Variants in PLGRKT observed in about 807,000 individuals in gnomAD.
PLGRKT encodes plasminogen receptor (KT).
A neutral mutation model predicts 18.5 loss-of-function variants in PLGRKT; 22 were observed. The ratio of observed to expected loss-of-function variants is 1.19; its 90% CI spans 0.85 to 1.70. The LOEUF is 1.70. Ranked by LOEUF, PLGRKT falls within the 40% of genes most tolerant of loss-of-function variation. The pLI is 0.00. For missense variants in PLGRKT, 235 were observed against 174.4 expected, an observed-to-expected ratio of 1.35 and a Z score of -1.96; for synonymous variants, 72 against 52.8, an observed-to-expected ratio of 1.36 and a Z score of -1.58.
chr9:5,421,117 T>A (rs902018468), intron 3 of PLGRKT, among the ~76,000 whole-genome samples: 3 of 152,204 alleles, frequency 2.0e-5, no homozygotes, highest in Non-Finnish European at 4.4e-5. Context: ...GTACAAGGCT[T>A]GAGCGACCTC....
intron 3 of PLGRKT, among the ~76,000 whole-genome samples, chr9:5,413,958 T>A (rs909490545): frequency 9.8e-5 from 15 of 152,338 alleles, no homozygotes; most frequent in Non-Finnish European, 1.5e-4. Context: ...AATGATATGC[T>A]ACCCTTCACA....
intron 3 of PLGRKT, among the ~76,000 whole-genome samples, chr9:5,410,778 C>T (rs1003819155): frequency 2.6e-5 from 4 of 152,032 alleles, no homozygotes; most frequent in Non-Finnish European, 5.9e-5. Context: ...GCCTGTACCA[C>T]AGAGAAAGAT....
intron 5 of PLGRKT, among the ~76,000 whole-genome samples, chr9:5,359,448 T>G (rs1213220352): frequency 6.6e-6 from 1 of 152,202 alleles, no homozygotes; most frequent in Non-Finnish European, 1.5e-5. Flanking sequence ...TGTCTTATTT[T>G]TTTTACCTCT....
chr9:5,433,480 G>C (rs1818879593), intron 2 of PLGRKT, among the ~76,000 whole-genome samples: 1 of 147,650 alleles, frequency 6.8e-6, no homozygotes, highest in South Asian at 2.2e-4. Context: ...GAAGCAAGGA[G>C]CGACTCTGCC....
intron 2 of PLGRKT, among the ~76,000 whole-genome samples, chr9:5,433,347 C>G (rs1328662980): frequency 6.7e-6 from 1 of 148,338 alleles, no homozygotes; most frequent in Non-Finnish European, 1.5e-5. Context: ...GACCGCCCAT[C>G]GTCTGGGGTG....
At chr9:5,422,023 C>A (rs545272340) in intron 3 of PLGRKT, among the ~76,000 whole-genome samples, 1 of 151,988 alleles carries the variant, frequency 6.6e-6, no homozygotes, top group Non-Finnish European at 1.5e-5. Context: ...CAGAATCAAG[C>A]ATTTATTTTG....
chr9:5,391,547 T>C (rs1012860693), intron 3 of PLGRKT, among the ~76,000 whole-genome samples: 1 of 151,956 alleles, frequency 6.6e-6, no homozygotes, highest in African/African-American at 2.4e-5. Flanking sequence ...GAAGCAGTGA[T>C]AAACTGGTGT....
At chr9:5,416,767 T>A (rs1234370618) in intron 3 of PLGRKT, among the ~76,000 whole-genome samples, 2 of 152,244 alleles carry the variant, frequency 1.3e-5, no homozygotes, top group Non-Finnish European at 2.9e-5. Context: ...ATTGTTTGCA[T>A]GGAAGGGCTA....
chr9:5,373,245 C>G (rs1316540393), intron 3 of PLGRKT, among the ~76,000 whole-genome samples: 1 of 152,158 alleles, frequency 6.6e-6, no homozygotes, highest in African/African-American at 2.4e-5. Context: ...ATGCCCCTAT[C>G]CACTGTAGTG....
rs147162442 is a variant in PLGRKT at position 5,361,758 on chromosome 9, C to G, written c.212G>C (p.Gly71Ala). 1,362 of 1,601,952 alleles carry G rather than the reference C, an allele frequency of 8.5e-4. 19 individuals carry two copies. In the East Asian group the frequency reaches 0.024, roughly 28 times the overall value. ...AGAAAATGTTAAATAGCAAACATAC[C>G]CAGCTGTTAAAGAGATGGCTGCAAG... ...FGLAAISLTAGAIKKKKPAFL... is the reference protein window; with the variant it reads ...FGLAAISLTAAAIKKKKPAFL... Residue 71 changes from glycine to alanine, a missense_variant and splice_region_variant, in exon 4 of 6, where the codon GGA (glycine) becomes GCA (alanine). Transcript: ENST00000223864.
intron 3 of PLGRKT, among the ~76,000 whole-genome samples, chr9:5,370,954 C>T (rs2131075012): frequency 6.6e-6 from 1 of 152,202 alleles, no homozygotes; most frequent in Admixed American, 6.5e-5. Context: ...AAAAAAGTCC[C>T]CCTTTATCAA....
At chr9:5,423,655 T>G (rs1818619274) in intron 3 of PLGRKT, among the ~76,000 whole-genome samples, 1 of 151,996 alleles carries the variant, frequency 6.6e-6, no homozygotes, top group African/African-American at 2.4e-5. Flanking sequence ...CCCAGGTACC[T>G]CAACTACAGC....
chr9:5,420,842 T>C (rs1818562198), intron 3 of PLGRKT, among the ~76,000 whole-genome samples: 1 of 152,144 alleles, frequency 6.6e-6, no homozygotes, highest in South Asian at 2.1e-4. Context: ...TACAGCCTTC[T>C]CCTCAAAAAA....
intron 3 of PLGRKT, among the ~76,000 whole-genome samples, chr9:5,389,032 C>A (rs1817896699): frequency 6.6e-6 from 1 of 151,872 alleles, no homozygotes; most frequent in Admixed American, 6.6e-5. Context: ...CCATGGGGAA[C>A]TGTGGGGTGT....
Position 5,393,183 on chromosome 9 carries a change from A to C in PLGRKT, c.82-31295T>G, listed in dbSNP as rs115403596. On this transcript the variant is annotated intron_variant, in intron 3 of 5. Coordinates refer to ENST00000223864, the MANE Select transcript of PLGRKT (RefSeq NM_018465.4). Reference sequence around the variant, plus strand: ...AAAAACTATTTGCGACATTATAATAAGATGACTTCACCCTGCCATTTTTAT... The same window carrying C: ...AAAAACTATTTGCGACATTATAATACGATGACTTCACCCTGCCATTTTTAT... 4.2e-3 allele frequency among the ~76,000 whole-genome samples: 640 copies of C among 152,040 alleles called. 16 individuals carry two copies. The highest frequency in any genetic ancestry group is 0.015 in the African/African-American group (621 of 41,310).
chr9:5,399,014 G>C (rs1209039377), intron 3 of PLGRKT, among the ~76,000 whole-genome samples: 1 of 151,206 alleles, frequency 6.6e-6, no homozygotes, highest in African/African-American at 2.5e-5. Flanking sequence ...TTTCTCACTG[G>C]AGAGACTTTT....
At position 5,375,178 on chromosome 9, in the gene PLGRKT, T is replaced by G. The variant is rs931083626; in HGVS notation, c.82-13290A>C. 2.6e-5 allele frequency among the ~76,000 whole-genome samples: 4 copies of G among 152,248 alleles called. No individual in the cohort carries two copies. The East Asian group carries it at 5.8e-4, about 22-fold the overall frequency. On this transcript the variant is annotated intron_variant, in intron 3 of 5. Transcript: ENST00000223864. ...AATGTTTTTCCTTAATAAGAAAAGA[T>G]GTACATTTTACATTATGAGTTGTTT... is the stretch of plus-strand genomic sequence containing the variant.
chr9:5,413,542 T>C (rs887826684), intron 3 of PLGRKT, among the ~76,000 whole-genome samples: 59 of 152,176 alleles, frequency 3.9e-4, no homozygotes, highest in African/African-American at 1.3e-3. Context: ...GAAGATGCCA[T>C]GCTGCTAGCT....
At position 5,361,078 on chromosome 9, in the gene PLGRKT, C is replaced by T. The variant is rs112013549; in HGVS notation, c.322G>A (p.Gly108Ser). The change falls in exon 5 of 6, where the codon GGT (glycine) becomes AGT (serine). Residue 108 changes from glycine (G) to serine (S), a missense_variant and splice_region_variant. Gly to Ser is a moderately conservative substitution (Grantham distance 56). Coordinates refer to ENST00000223864, the MANE Select transcript of PLGRKT (RefSeq NM_018465.4). Reference protein sequence around the residue: ...GYGTLLERMKGEAEDILETEK... With the variant: ...GYGTLLERMKSEAEDILETEK... ...AAACTCTAGTTTACCAAAGACTTAC[C>T]TTTCATTCTTTCTAAAAGGGTTCCA... 4.4e-5 allele frequency: 63 copies of T among 1,439,008 alleles called. No individual in the cohort carries two copies. Among genetic ancestry groups the T allele is most frequent in the Non-Finnish European group, 5.4e-5 (55 of 1,027,696 alleles). 89.1% of individuals were successfully genotyped at this position (1,439,008 alleles called of 1,614,324 possible).
Sources: gnomAD v4.1 joint callset for allele counts (sites outside exome capture counted in the v4.1 genomes callset) on GRCh38, gnomAD v4.1.1 for gene constraint, MANE v1.5 for transcripts, NCBI Gene and HGNC (gene_info 2026-07-23, HGNC 2026-07-21) for gene names.